Variants in CNBD1 observed in about 807,000 individuals in gnomAD.
CNBD1 encodes cyclic nucleotide binding domain containing 1.
In CNBD1, 71 loss-of-function variants were observed where a neutral mutation model predicts 54.4. That is an observed-to-expected ratio of 1.30 (90% confidence interval 1.08 to 1.59). The LOEUF (loss-of-function observed/expected upper bound fraction) is 1.59, where lower values mean the gene tolerates loss of function less well. Among genes scored for constraint, CNBD1 ranks in the 40% most tolerant of loss-of-function variants. The pLI is 0.00. For missense variants in CNBD1, 659 were observed against 518.0 expected, an observed-to-expected ratio of 1.27 and a Z score of -2.64; for synonymous variants, 182 against 170.7, an observed-to-expected ratio of 1.07 and a Z score of -0.51.
intron 4 of CNBD1, among the ~76,000 whole-genome samples, chr8:86,979,076 C>T (rs921740453): frequency 6.6e-6 from 1 of 151,956 alleles, no homozygotes; most frequent in Non-Finnish European, 1.5e-5. Context: ...AAGATTATGA[C>T]TTAAAAAATT....
intron 5 of CNBD1, among the ~76,000 whole-genome samples, chr8:87,223,254 T>A (rs199529850): frequency 3.4e-5 from 5 of 147,116 alleles, no homozygotes; most frequent in Admixed American, 2.0e-4. Flanking sequence ...TTATTTATTT[T>A]TTATTATTTA....
chr8:87,088,167 G>T (rs1483259642), intron 4 of CNBD1, among the ~76,000 whole-genome samples: 1 of 151,944 alleles, frequency 6.6e-6, no homozygotes, highest in Non-Finnish European at 1.5e-5. Flanking sequence ...TTTCCCCTTT[G>T]TTTCAAAGAC....
At chr8:87,416,745 G>C (rs977511689) in intron 2 of CNBD1, among the ~76,000 whole-genome samples, 1 of 151,926 alleles carries the variant, frequency 6.6e-6, no homozygotes, top group Non-Finnish European at 1.5e-5. Flanking sequence ...TGAAGGCTGT[G>C]GATAAAAATT....
chr8:86,879,413 C>G (rs1484433643), intron 1 of CNBD1, among the ~76,000 whole-genome samples: 1 of 152,112 alleles, frequency 6.6e-6, no homozygotes, highest in Non-Finnish European at 1.5e-5. Flanking sequence ...AGACATTTAC[C>G]TTTTTCTATG....
chr8:87,040,271 G>T (rs1169957904), intron 4 of CNBD1, among the ~76,000 whole-genome samples: 1 of 152,192 alleles, frequency 6.6e-6, no homozygotes, highest in Admixed American at 6.5e-5. Context: ...GCCCAGGAAT[G>T]GACAAGGACA....
At chr8:87,374,825 G>C (rs943003596) in intron 10 of CNBD1, among the ~76,000 whole-genome samples, 5 of 150,058 alleles carry the variant, frequency 3.3e-5, no homozygotes, top group Admixed American at 6.6e-5. Context: ...AAATAGCTTA[G>C]CTAGAAACAT....
intron 2 of CNBD1, among the ~76,000 whole-genome samples, chr8:87,419,322 T>C (rs1448305212): frequency 6.6e-6 from 1 of 151,602 alleles, no homozygotes. Flanking sequence ...GGAAAGTGAG[T>C]GATAATAGGT....
At chr8:86,909,113 A>T (rs1809063078) in intron 3 of CNBD1, among the ~76,000 whole-genome samples, 3 of 152,118 alleles carry the variant, frequency 2.0e-5, no homozygotes, top group Admixed American at 6.5e-5. Context: ...CAATAAACAT[A>T]ATGGTCATTT....
chr8:87,231,185 C>G (rs1476972447), intron 5 of CNBD1, among the ~76,000 whole-genome samples: 1 of 152,052 alleles, frequency 6.6e-6, no homozygotes, highest in African/African-American at 2.4e-5. Context: ...TATTCATAGG[C>G]AGACATATAT....
chr8:87,420,470 C>T (rs1365372163), intron 2 of CNBD1, among the ~76,000 whole-genome samples: 1 of 151,992 alleles, frequency 6.6e-6, no homozygotes, highest in East Asian at 1.9e-4. Flanking sequence ...CAAAAGCATG[C>T]CTCTTTGTTG....
At chr8:87,280,565 G>A (rs183238816) in intron 6 of CNBD1, among the ~76,000 whole-genome samples, 1 of 151,504 alleles carries the variant, frequency 6.6e-6, no homozygotes, top group East Asian at 1.9e-4. Context: ...AAAAATAGTA[G>A]CTCTAATTTT....
chr8:87,233,428 C>A lies in CNBD1; in HGVS notation c.578-3491C>A, dbSNP rs138774580. Among the ~76,000 whole-genome samples the A allele has an allele frequency of 1.3e-3, 192 of 152,238 alleles. 1 individual carries two copies. Among genetic ancestry groups the A allele is most frequent in the African/African-American group, 4.2e-3 (175 of 41,546 alleles). ...CATATAAAACTTATGTTTGCATTAT[C>A]GTGTAGTCTATTAAGCAGTGATTGC... On this transcript the variant is annotated intron_variant, in intron 5 of 10. Transcript: ENST00000518476.
intron 3 of CNBD1, among the ~76,000 whole-genome samples, chr8:86,919,804 A>G (rs1480585793): frequency 1.3e-5 from 2 of 152,178 alleles, no homozygotes; most frequent in Non-Finnish European, 2.9e-5. Context: ...AATAAACTTC[A>G]GATTAGTGTT....
intron 4 of CNBD1, among the ~76,000 whole-genome samples, chr8:87,153,628 C>T (rs1383999019): frequency 6.6e-6 from 1 of 152,120 alleles, no homozygotes; most frequent in East Asian, 1.9e-4. Flanking sequence ...ATACTTAAAG[C>T]CTGTATGAGA....
chr8:87,211,315 T>C (rs1177454326), intron 5 of CNBD1, among the ~76,000 whole-genome samples: 1 of 152,142 alleles, frequency 6.6e-6, no homozygotes, highest in African/African-American at 2.4e-5. Flanking sequence ...GATAAGACCT[T>C]GGACTTGGGA....
At chr8:87,055,690 G>T (rs951118404) in intron 4 of CNBD1, among the ~76,000 whole-genome samples, 11 of 152,026 alleles carry the variant, frequency 7.2e-5, no homozygotes, top group African/African-American at 2.7e-4. Context: ...TACCGAACTG[G>T]TTTTTTCTTC....
At chr8:87,295,359 T>A (rs1345511270) in intron 8 of CNBD1, among the ~76,000 whole-genome samples, 1 of 151,986 alleles carries the variant, frequency 6.6e-6, no homozygotes, top group African/African-American at 2.4e-5. Context: ...CTTCTGATTT[T>A]ATTAATAATA....
intron 4 of CNBD1, among the ~76,000 whole-genome samples, chr8:86,983,331 CT>C (rs1341815448): frequency 6.6e-6 from 1 of 152,208 alleles, no homozygotes; most frequent in Non-Finnish European, 1.5e-5. Flanking sequence ...CATTAAACCT[CT>C]TTCTTTTGTA....
intron 2 of CNBD1, among the ~76,000 whole-genome samples, chr8:87,422,432 T>A (rs1453149975): frequency 6.7e-6 from 1 of 150,108 alleles, no homozygotes; most frequent in Non-Finnish European, 1.5e-5. Flanking sequence ...CTTTAATCCA[T>A]CTTGAATTGA....
Sources: allele counts gnomAD v4.1 joint callset (sites outside exome capture counted in the v4.1 genomes callset), GRCh38; gene constraint gnomAD v4.1.1; transcripts MANE v1.5; gene names NCBI Gene and HGNC (gene_info 2026-07-23, HGNC 2026-07-21).